HIVEP1: variants seen among roughly 807,000 people sequenced by gnomAD.
HIVEP1 encodes zinc finger protein 40.
HIVEP1 carries 36 observed loss-of-function variants against 180.0 expected under a neutral mutation model. The ratio of observed to expected loss-of-function variants is 0.20; its 90% confidence interval spans 0.15 to 0.26. The LOEUF (loss-of-function observed/expected upper bound fraction) is 0.26. Among genes scored for constraint, HIVEP1 ranks in the 10% least tolerant of loss-of-function variants. The pLI is 1.00. For synonymous variants in HIVEP1, 1,239 were observed against 1,239.0 expected, an observed-to-expected ratio of 1.00 and a Z score of 0.00; for missense variants, 3,143 against 3,268.7, an observed-to-expected ratio of 0.96 and a Z score of 0.94.
chr6:12,181,277 A>G, the HIVEP1 span, among the ~76,000 whole-genome samples: 4 of 152,058 alleles, frequency 2.6e-5, no homozygotes, highest in Non-Finnish European at 1.5e-5. Flanking sequence ...GGAGAATGGC[A>G]TGAAACCGGG....
intron 2 of HIVEP1, among the ~76,000 whole-genome samples, chr6:12,054,342 G>A (rs965756404): frequency 6.6e-6 from 1 of 152,124 alleles, no homozygotes; most frequent in African/African-American, 2.4e-5. Flanking sequence ...ACATACAGAA[G>A]TTATAGTCAC....
intron 7 of HIVEP1, among the ~76,000 whole-genome samples, chr6:12,146,112 T>C (rs1759359714): frequency 6.6e-6 from 1 of 152,210 alleles, no homozygotes; most frequent in Non-Finnish European, 1.5e-5. Flanking sequence ...CAGCTTTCTA[T>C]AATCTAGGAA....
At chr6:12,196,333 T>A in the HIVEP1 span, among the ~76,000 whole-genome samples, 1 of 152,230 alleles carries the variant, frequency 6.6e-6, no homozygotes, top group African/African-American at 2.4e-5. Flanking sequence ...TTTAGACATT[T>A]AATCCATGAA....
chr6:12,099,392 T>C (rs1287272952), intron 3 of HIVEP1, among the ~76,000 whole-genome samples: 1 of 151,990 alleles, frequency 6.6e-6, no homozygotes. Context: ...GGTCTCGATC[T>C]CCTGACCTCG....
the HIVEP1 span, among the ~76,000 whole-genome samples, chr6:12,182,138 C>T: frequency 1.3e-5 from 2 of 152,088 alleles, no homozygotes; most frequent in African/African-American, 4.8e-5. Context: ...CAGTAGATTA[C>T]AAAGATAGCA....
downstream of HIVEP1, among the ~76,000 whole-genome samples, chr6:12,167,705 A>ATGTG (rs1760760366): frequency 2.5e-5 from 2 of 79,938 alleles, no homozygotes; most frequent in Non-Finnish European, 2.5e-5. Context: ...ACATATATAC[A>ATGTG]TATATGCATA....
intron 2 of HIVEP1, among the ~76,000 whole-genome samples, chr6:12,042,072 C>CTTT (rs551684741): frequency 1.0e-4 from 13 of 128,158 alleles, no homozygotes; most frequent in South Asian, 2.4e-4. Context: ...TATTCGTACG[C>CTTT]TTTTTTTTTT....
the HIVEP1 span, among the ~76,000 whole-genome samples, chr6:12,197,074 T>C: frequency 1.3e-5 from 2 of 152,198 alleles, no homozygotes; most frequent in Non-Finnish European, 2.9e-5. Flanking sequence ...TGTGATGCTG[T>C]GAGACCTCAA....
intron 2 of HIVEP1, among the ~76,000 whole-genome samples, chr6:12,020,581 C>T (rs1426687049): frequency 2.0e-5 from 3 of 151,946 alleles, no homozygotes; most frequent in African/African-American, 7.3e-5. Context: ...CATGCCTCTT[C>T]CGTTGTGATA....
intron 2 of HIVEP1, among the ~76,000 whole-genome samples, chr6:12,041,350 A>G (rs1769690626): frequency 7.6e-6 from 1 of 131,440 alleles, no homozygotes; most frequent in East Asian, 2.6e-4. Flanking sequence ...TGAACCCGGG[A>G]GGCGGAGCTT....
chr6:12,203,587 T>C, the HIVEP1 span, among the ~76,000 whole-genome samples: 2 of 152,172 alleles, frequency 1.3e-5, no homozygotes, highest in Non-Finnish European at 2.9e-5. Flanking sequence ...ATTGTTTTTC[T>C]TTGCTAAGAA....
In HIVEP1 at chr6:12,161,934, ATGAT is replaced by A; in HGVS notation, c.6978+8_6978+11del. Reference sequence around the variant, plus strand: ...AAAGCTGTTGCTATAACACAGGTAAATGATTGGCAGTTGTTCTTTTATTTCTTTT... The same window carrying A: ...AAAGCTGTTGCTATAACACAGGTAAATGGCAGTTGTTCTTTTATTTCTTTT... On this transcript the variant is annotated splice_donor_region_variant and intron_variant, in intron 8 of 8. Transcript: ENST00000379388. 12 of 1,591,896 alleles carry A rather than the reference ATGAT, an allele frequency of 7.5e-6. No homozygotes were observed. Among genetic ancestry groups the A allele is most frequent in the Non-Finnish European group, 1.0e-5 (12 of 1,166,750 alleles).
At chr6:12,165,856 A>G (rs1370955812), downstream of HIVEP1, among the ~76,000 whole-genome samples, 2 of 152,210 alleles carry the variant, frequency 1.3e-5, no homozygotes, top group Non-Finnish European at 2.9e-5. Flanking sequence ...TAGCCAACCC[A>G]GCTTCACGTC....
chr6:12,077,096 C>T (rs1460197470), intron 2 of HIVEP1, among the ~76,000 whole-genome samples: 1 of 152,046 alleles, frequency 6.6e-6, no homozygotes, highest in Non-Finnish European at 1.5e-5. Context: ...AGTTTTCTTC[C>T]TAAGTGAATT....
the HIVEP1 span, among the ~76,000 whole-genome samples, chr6:12,204,357 T>TTTA: frequency 5.5e-4 from 2 of 3,608 alleles, no homozygotes; most frequent in Non-Finnish European, 1.8e-3. Flanking sequence ...TGTTCAAGCT[T>TTTA]CCTCCCTTCC....
Position 12,163,513 on chromosome 6 carries a change from G to GA in HIVEP1, c.7210dup (p.Ile2404AsnfsTer39). On this transcript the variant is annotated frameshift_variant, in exon 9 of 9. Transcript: ENST00000379388. LOFTEE classifies it low-confidence loss of function (END_TRUNC). ...CTTATAATATGGTTCCAGTTGGGGG[G>GA]ATCCATGTGGTACCTGCTGGCCTCA... 6.2e-7 allele frequency: 1 copy of GA among 1,614,180 alleles called. No homozygotes were observed. The highest frequency in any genetic ancestry group is 8.5e-7 in the Non-Finnish European group (1 of 1,180,026).
rs988227881 is a variant in HIVEP1 at position 12,164,118 on chromosome 6, C to T, written c.7814C>T (p.Thr2605Ile). The change falls in exon 9 of 9, where the codon ACA becomes ATA. Residue 2605 changes from threonine to isoleucine, a missense_variant. By Grantham distance (89) the Thr-to-Ile change is moderately conservative. Coordinates refer to ENST00000379388, the MANE Select transcript of HIVEP1 (RefSeq NM_002114.4). ...SRTESPQGLP[T>I]VQRENAKKVL... ...ACCGAGTCTCCTCAGGGGTTACCTACAGTCCAGCGGGAAAATGCAAAAAAA... is the reference window on the plus strand; with the variant it reads ...ACCGAGTCTCCTCAGGGGTTACCTATAGTCCAGCGGGAAAATGCAAAAAAA... 5 of 1,614,084 alleles carry T rather than the reference C, an allele frequency of 3.1e-6. No individual in the cohort carries two copies. The highest frequency in any genetic ancestry group is 3.3e-5 in the Admixed American group (2 of 59,994).
At chr6:12,025,707 G>A (rs1768536623) in intron 2 of HIVEP1, among the ~76,000 whole-genome samples, 3 of 152,144 alleles carry the variant, frequency 2.0e-5, no homozygotes, top group Non-Finnish European at 4.4e-5. Context: ...TATTTTAGAC[G>A]TATGGGCACT....
At chr6:12,158,213 A>C (rs1349435402) in intron 7 of HIVEP1, among the ~76,000 whole-genome samples, 1 of 152,160 alleles carries the variant, frequency 6.6e-6, no homozygotes, top group Non-Finnish European at 1.5e-5. Context: ...GTAGAGACCC[A>C]TGGAAATTGT....
Sources: allele counts gnomAD v4.1 joint callset (sites outside exome capture counted in the v4.1 genomes callset), GRCh38; gene constraint gnomAD v4.1.1; transcripts MANE v1.5; gene names NCBI Gene and HGNC (gene_info 2026-07-23, HGNC 2026-07-21).